Variants in RAB38 observed in about 807,000 individuals in gnomAD.
The protein encoded by RAB38 is ras-related protein Rab-38.
In RAB38, 15 loss-of-function variants were observed where a neutral mutation model predicts 18.4. That is an observed-to-expected ratio of 0.82 (90% CI 0.55 to 1.26). The LOEUF (loss-of-function observed/expected upper bound fraction) is 1.26. Ranked by LOEUF, RAB38 falls within the 50% of genes most tolerant of loss-of-function variation. The pLI, the probability that RAB38 is intolerant of heterozygous loss-of-function variation, is 0.00. For synonymous variants in RAB38, 101 were observed against 104.4 expected, an observed-to-expected ratio of 0.97 and a Z score of 0.20; for missense variants, 294 against 267.4, an observed-to-expected ratio of 1.10 and a Z score of -0.69.
the RAB38 span, among the ~76,000 whole-genome samples, chr11:88,043,602 A>ACCCCCCCCC: frequency 1.6e-4 from 18 of 114,390 alleles, no homozygotes; most frequent in South Asian, 6.5e-4. Flanking sequence ...GCACCTTGTG[A>ACCCCCCCCC]CCCCCCCACC....
At chr11:88,172,714 A>G (rs993616919) in intron 1 of RAB38, among the ~76,000 whole-genome samples, 2 of 152,198 alleles carry the variant, frequency 1.3e-5, no homozygotes, top group Non-Finnish European at 2.9e-5. Context: ...TGGGCAGTTG[A>G]GGTTGTATTT....
chr11:87,849,705 T>C, the RAB38 span, among the ~76,000 whole-genome samples: 14 of 152,272 alleles, frequency 9.2e-5, no homozygotes, highest in African/African-American at 2.9e-4. Context: ...GAAATAATCA[T>C]TGTTTTGCCA....
chr11:88,158,625 A>G (rs1043679519), intron 1 of RAB38, among the ~76,000 whole-genome samples: 2 of 152,156 alleles, frequency 1.3e-5, no homozygotes, highest in African/African-American at 4.8e-5. Flanking sequence ...ATATAAATCA[A>G]TAAATGTGAT....
the RAB38 span, among the ~76,000 whole-genome samples, chr11:88,104,948 C>T: frequency 6.6e-6 from 1 of 152,034 alleles, no homozygotes; most frequent in Non-Finnish European, 1.5e-5. Context: ...CTCCATGGCC[C>T]CATATTATTT....
At chr11:87,899,671 T>G in the RAB38 span, among the ~76,000 whole-genome samples, 1 of 151,584 alleles carries the variant, frequency 6.6e-6, no homozygotes, top group African/African-American at 2.4e-5. Context: ...TCCAGGGAAC[T>G]TAGATTCCCC....
chr11:87,828,466 C>T, the RAB38 span, among the ~76,000 whole-genome samples: 42 of 152,210 alleles, frequency 2.8e-4, no homozygotes, highest in Non-Finnish European at 5.4e-4. Flanking sequence ...ATCTGTACTG[C>T]AGACAATGGG....
Position 88,137,285 on chromosome 11 carries a change from TAGA to T in RAB38, c.483+12387_483+12389del, listed in dbSNP as rs373399998. 3.2e-3 allele frequency among the ~76,000 whole-genome samples: 482 copies of T among 152,172 alleles called. 1 individual carries two copies. The highest frequency in any genetic ancestry group is 4.6e-3 in the Non-Finnish European group (315 of 67,980). Reference sequence around the variant, plus strand: ...TTTTAAAGGGACCATCAACATAAAATAGAAGAACAAAAGTAGACTGAAAAAATA... The same window carrying T: ...TTTTAAAGGGACCATCAACATAAAATAGAACAAAAGTAGACTGAAAAAATA... On this transcript the variant is annotated intron_variant, in intron 2 of 2. Coordinates refer to ENST00000243662, the MANE Select transcript of RAB38 (RefSeq NM_022337.3).
At chr11:88,106,833 G>A in the RAB38 span, among the ~76,000 whole-genome samples, 16 of 152,168 alleles carry the variant, frequency 1.1e-4, no homozygotes, top group South Asian at 8.3e-4. Context: ...AAATTTTCCG[G>A]TTGCTTGGGA....
chr11:88,156,037 A>G (rs1943168), intron 1 of RAB38, among the ~76,000 whole-genome samples: 18,104 of 152,276 alleles, frequency 0.12, 1,291 homozygotes, highest in Admixed American at 0.18. Context: ...ATGTAAAAAT[A>G]TCAAACCTAC....
the RAB38 span, chr11:87,817,342 T>A: frequency 6.6e-6 from 1 of 152,176 alleles, no homozygotes; most frequent in Non-Finnish European, 1.5e-5. Context: ...ATTTTTTTCT[T>A]ACAGTTAGAA....
chr11:87,945,191 G>A, the RAB38 span, among the ~76,000 whole-genome samples: 12 of 152,084 alleles, frequency 7.9e-5, no homozygotes, highest in African/African-American at 2.9e-4. Flanking sequence ...TTAACTTTCT[G>A]ATTTTGTATT....
the RAB38 span, among the ~76,000 whole-genome samples, chr11:87,818,838 T>C: frequency 3.9e-5 from 6 of 152,306 alleles, no homozygotes; most frequent in African/African-American, 1.4e-4. Context: ...ATTGGAACCA[T>C]TATCTGCTCA....
At chr11:87,972,052 C>T in the RAB38 span, among the ~76,000 whole-genome samples, 1 of 151,884 alleles carries the variant, frequency 6.6e-6, no homozygotes, top group Non-Finnish European at 1.5e-5. Context: ...TGGAAACTTT[C>T]CTTCAGAGAA....
chr11:88,147,885 T>G (rs1205743599), intron 2 of RAB38, among the ~76,000 whole-genome samples: 2 of 151,962 alleles, frequency 1.3e-5, no homozygotes, highest in African/African-American at 4.8e-5. Context: ...AGAGCGAGAC[T>G]CTGTCTCAAA....
intron 2 of RAB38, among the ~76,000 whole-genome samples, chr11:88,133,170 A>G (rs1942787455): frequency 1.3e-5 from 2 of 152,196 alleles, no homozygotes; most frequent in Admixed American, 1.3e-4. Flanking sequence ...AGGTAAGACA[A>G]CCAGAATGGT....
chr11:87,827,143 A>C, the RAB38 span, among the ~76,000 whole-genome samples: 1 of 152,204 alleles, frequency 6.6e-6, no homozygotes, highest in South Asian at 2.1e-4. Flanking sequence ...TCAATGTGAA[A>C]GGAGTCATCA....
chr11:87,807,462 C>A, the RAB38 span, among the ~76,000 whole-genome samples: 1 of 152,072 alleles, frequency 6.6e-6, no homozygotes, highest in African/African-American at 2.4e-5. Flanking sequence ...AGCACAGCTA[C>A]GCTGTCTTCA....
At chr11:88,015,429 G>T in the RAB38 span, among the ~76,000 whole-genome samples, 2 of 152,018 alleles carry the variant, frequency 1.3e-5, no homozygotes, top group African/African-American at 4.8e-5. Context: ...AATCTGTCTT[G>T]GTCACTACAA....
At chr11:87,916,739 G>C in the RAB38 span, among the ~76,000 whole-genome samples, 1 of 151,836 alleles carries the variant, frequency 6.6e-6, no homozygotes, top group Non-Finnish European at 1.5e-5. Flanking sequence ...ATTTAAATTG[G>C]GTTTCTTGTA....
Sources: gnomAD v4.1 joint callset for allele counts (sites outside exome capture counted in the v4.1 genomes callset) on GRCh38, gnomAD v4.1.1 for gene constraint, MANE v1.5 for transcripts, NCBI Gene and HGNC (gene_info 2026-07-23, HGNC 2026-07-21) for gene names.